NRXN3: variants seen among roughly 807,000 people sequenced by gnomAD.
The protein encoded by NRXN3 is neurexin 3.
In NRXN3, 32 loss-of-function variants were observed where a neutral mutation model predicts 137.6. The observed-to-expected ratio is 0.23, with a 90% CI of 0.18 to 0.31. The LOEUF (loss-of-function observed/expected upper bound fraction) is 0.31. NRXN3 is among the 10% of genes least tolerant of loss of function. NRXN3 has a pLI of 1.00. For synonymous variants in NRXN3, 798 were observed against 784.5 expected (o/e 1.02, Z -0.29); for missense variants, 1,574 against 2,062.5 (o/e 0.76, Z 4.59).
chr14:79,357,105 T>C (rs2093451744), intron 15 of NRXN3, among the ~76,000 whole-genome samples: 1 of 152,200 alleles, frequency 6.6e-6, no homozygotes, highest in Non-Finnish European at 1.5e-5. Flanking sequence ...GGCTGTGATA[T>C]TTAATATGGC....
intron 10 of NRXN3, among the ~76,000 whole-genome samples, chr14:78,891,290 A>G (rs2099158162): frequency 6.6e-6 from 1 of 151,942 alleles, no homozygotes; most frequent in Admixed American, 6.6e-5. Context: ...TATTTTACTA[A>G]TGAAGTAACT....
chr14:79,059,265 T>C (rs11159393), intron 15 of NRXN3, among the ~76,000 whole-genome samples: 1 of 136,202 alleles, frequency 7.3e-6, no homozygotes, highest in African/African-American at 3.0e-5. Flanking sequence ...TTTTTTTTTT[T>C]TTTTTTTTTT....
chr14:78,353,680 A>C (rs778104278), intron 4 of NRXN3, among the ~76,000 whole-genome samples: 2 of 152,196 alleles, frequency 1.3e-5, no homozygotes, highest in South Asian at 4.1e-4. Context: ...TGGTGGCTTG[A>C]AGAGGATAAA....
Position 78,681,645 on chromosome 14 carries a change from T to A in NRXN3, c.1222-27572T>A, listed in dbSNP as rs182403400. ...AATGGACTTGGTTTATTTTATAGAC[T>A]GTTTGAGCCTAAAGGAAAATGACTA... is the stretch of plus-strand genomic sequence containing the variant. On this transcript the variant is annotated intron_variant, in intron 6 of 20. Transcript: ENST00000335750. Among the ~76,000 whole-genome samples the A allele has an allele frequency of 9.8e-5, 15 of 152,290 alleles. No individual in the cohort carries two copies. In the East Asian group the frequency reaches 2.9e-3, roughly 29 times the overall value.
At chr14:78,610,869 G>A (rs2097295145) in intron 4 of NRXN3, among the ~76,000 whole-genome samples, 1 of 152,212 alleles carries the variant, frequency 6.6e-6, no homozygotes, top group African/African-American at 2.4e-5. Flanking sequence ...AAATGCAGAG[G>A]AGAATCTGCT....
At chr14:78,817,480 T>C (rs2098937353) in intron 10 of NRXN3, among the ~76,000 whole-genome samples, 1 of 152,134 alleles carries the variant, frequency 6.6e-6, no homozygotes, top group Admixed American at 6.6e-5. Flanking sequence ...TCTTAGTCCA[T>C]TTGGTGTTGC....
At chr14:78,234,998 A>ATATATATATATATATATATATGTG (rs1555418524) in intron 1 of NRXN3, among the ~76,000 whole-genome samples, 532 of 28,666 alleles carry the variant, frequency 0.019, 17 homozygotes, top group African/African-American at 0.022. Flanking sequence ...ATGCTTTTAT[A>ATATATATATATATATATATATGTG]TATATATATA....
intron 16 of NRXN3, among the ~76,000 whole-genome samples, chr14:79,646,008 A>G (rs1332117408): frequency 7.4e-6 from 1 of 135,608 alleles, no homozygotes; most frequent in African/African-American, 2.5e-5. Context: ...AGGCAGTAAA[A>G]CCCAAGTGAA....
At chr14:79,022,748 G>C (rs1376130752) in intron 15 of NRXN3, among the ~76,000 whole-genome samples, 1 of 152,128 alleles carries the variant, frequency 6.6e-6, no homozygotes. Context: ...GCTACTTGGA[G>C]CCAAAATACA....
intron 15 of NRXN3, among the ~76,000 whole-genome samples, chr14:79,390,787 A>G (rs2094819730): frequency 6.6e-6 from 1 of 152,162 alleles, no homozygotes. Flanking sequence ...CCTAAAGTTC[A>G]TATATTGGAG....
chr14:79,436,594 G>A (rs769782545), intron 15 of NRXN3, among the ~76,000 whole-genome samples: 5 of 152,140 alleles, frequency 3.3e-5, no homozygotes, highest in African/African-American at 4.8e-5. Flanking sequence ...CATTAGTAGC[G>A]GCCAAGTTAT....
intron 10 of NRXN3, among the ~76,000 whole-genome samples, chr14:78,877,228 T>C (rs2099115955): frequency 6.6e-6 from 1 of 152,218 alleles, no homozygotes; most frequent in South Asian, 2.1e-4. Context: ...GTTATACTCA[T>C]TCCACTGGGG....
At chr14:78,337,125 C>A (rs574136912) in intron 4 of NRXN3, among the ~76,000 whole-genome samples, 3 of 151,954 alleles carry the variant, frequency 2.0e-5, no homozygotes, top group African/African-American at 7.3e-5. Flanking sequence ...TCTTAAGGTG[C>A]GAAATAATAA....
chr14:79,262,650 G>A (rs1022071786), intron 15 of NRXN3, among the ~76,000 whole-genome samples: 4 of 152,204 alleles, frequency 2.6e-5, no homozygotes, highest in African/African-American at 9.6e-5. Context: ...TTAAAATGTT[G>A]AAGTGCATAT....
intron 8 of NRXN3, among the ~76,000 whole-genome samples, chr14:78,790,370 A>G (rs531626193): frequency 1.3e-5 from 2 of 152,270 alleles, no homozygotes; most frequent in Admixed American, 1.3e-4. Context: ...GACCATATGT[A>G]ATGGCAGGAC....
At chr14:79,659,547 A>G (rs555133882) in intron 16 of NRXN3, among the ~76,000 whole-genome samples, 5 of 152,166 alleles carry the variant, frequency 3.3e-5, no homozygotes, top group Non-Finnish European at 5.9e-5. Context: ...CACCAAGCCA[A>G]CTAGCCCTTA....
At chr14:78,358,603 G>A (rs2084670130) in intron 4 of NRXN3, among the ~76,000 whole-genome samples, 1 of 152,158 alleles carries the variant, frequency 6.6e-6, no homozygotes, top group South Asian at 2.1e-4. Context: ...TACTACGTCA[G>A]CTCATCTTAG....
At chr14:78,645,062 A>G (rs754674759) in intron 4 of NRXN3, 58 bp from the exon 5 acceptor site, 7 of 1,436,652 alleles carry the variant, frequency 4.9e-6, no homozygotes, top group Admixed American at 2.2e-5. Flanking sequence ...TGGTATTTGC[A>G]TAGGTCTGAC....
chr14:79,604,596 T>C (rs1285415264), intron 16 of NRXN3, among the ~76,000 whole-genome samples: 2 of 151,184 alleles, frequency 1.3e-5, no homozygotes, highest in African/African-American at 2.4e-5. Flanking sequence ...ACACACAACC[T>C]CCCCAATAAA....
Sources: allele counts gnomAD v4.1 joint callset (sites outside exome capture counted in the v4.1 genomes callset), GRCh38; gene constraint gnomAD v4.1.1; transcripts MANE v1.5; gene names NCBI Gene and HGNC (gene_info 2026-07-23, HGNC 2026-07-21).